The following PARG variants were observed in gnomAD, a reference collection of about 807,000 sequenced individuals.
The protein encoded by PARG is poly(ADP-ribose) glycohydrolase.
In PARG, 35 loss-of-function variants were observed where a neutral mutation model predicts 113.0. That is an observed-to-expected ratio of 0.31 (90% CI 0.24 to 0.41). PARG has a LOEUF of 0.41. PARG is among the 10% of genes least tolerant of loss of function. The pLI, the probability that PARG is intolerant of heterozygous loss-of-function variation, is 1.00. For synonymous variants in PARG, 330 were observed against 409.9 expected (o/e 0.81, Z 2.36); for missense variants, 797 against 1,169.4 (o/e 0.68, Z 4.64).
rs1320472949 is a variant in PARG at position 49,941,802 on chromosome 10, T to G, written c.-77A>C. Reference sequence around the variant, plus strand: ...TTCACTAACCCTGAGAGAGATGGACTGCGCCTCCTTCTCAGCGCCTGCCTG... The same window carrying G: ...TTCACTAACCCTGAGAGAGATGGACGGCGCCTCCTTCTCAGCGCCTGCCTG... On this transcript the variant is annotated 5_prime_UTR_variant, in exon 1 of 18. Transcript: ENST00000616448. The G allele has an allele frequency of 0.016, 24,825 of 1,535,044 alleles. 235 individuals are homozygous for G. The highest frequency in any genetic ancestry group is 0.019 in the Non-Finnish European group (21,295 of 1,145,144).
chr10:49,834,891 ATAGAAAT>A (rs1844842091), intron 15 of PARG, among the ~76,000 whole-genome samples: 1 of 152,234 alleles, frequency 6.6e-6, no homozygotes, highest in South Asian at 2.1e-4. Context: ...ATAAAATTAC[ATAGAAAT>A]TAGAATAACT....
At chr10:49,919,972 C>T (rs570758023) in intron 6 of PARG, among the ~76,000 whole-genome samples, 126 of 152,180 alleles carry the variant, frequency 8.3e-4, no homozygotes, top group Non-Finnish European at 1.4e-3. Flanking sequence ...AAGAATTTCT[C>T]AGCATACTAT....
chr10:49,868,492 T>C (rs1231045643), intron 10 of PARG, among the ~76,000 whole-genome samples: 2 of 152,176 alleles, frequency 1.3e-5, no homozygotes, highest in African/African-American at 4.8e-5. Context: ...ATTCTAAAAA[T>C]TTAACAATGT....
At chr10:49,922,056 A>G (rs1158252289) in intron 6 of PARG, among the ~76,000 whole-genome samples, 1 of 150,772 alleles carries the variant, frequency 6.6e-6, no homozygotes, top group African/African-American at 2.5e-5. Flanking sequence ...CAAAAAAAAG[A>G]AAGAGAAGCT....
At chr10:49,920,443 C>A (rs1294626594) in intron 6 of PARG, among the ~76,000 whole-genome samples, 1 of 64,282 alleles carries the variant, frequency 1.6e-5, no homozygotes, top group Non-Finnish European at 3.1e-5. Flanking sequence ...CAAGACCCAG[C>A]CTCAAATTAA....
At position 49,941,855 on chromosome 10, in the gene PARG, T is replaced by C; in HGVS notation, c.-130A>G. 6.7e-7 allele frequency: 1 copy of C among 1,495,000 alleles called. No homozygotes were observed. Among genetic ancestry groups the C allele is most frequent in the Non-Finnish European group, 9.0e-7 (1 of 1,109,734 alleles). 92.6% of individuals were successfully genotyped at this position (1,495,000 alleles called of 1,614,324 possible). ...CCATTCCCTCTCTGCCGCTGCCTGC[T>C]TCTGCAATTGCTGATCCGCCGGCCT... On this transcript the variant is annotated 5_prime_UTR_variant, in exon 1 of 18. Coordinates refer to ENST00000616448, the MANE Select transcript of PARG (RefSeq NM_003631.5).
chr10:49,858,903 T>C (rs1469665499), intron 12 of PARG, among the ~76,000 whole-genome samples: 3 of 152,158 alleles, frequency 2.0e-5, no homozygotes, highest in Admixed American at 6.6e-5. Context: ...TGGGAATCAC[T>C]GGATACAAAG....
At position 49,941,467 on chromosome 10, in the gene PARG, C is replaced by T. The variant is rs1839063715; in HGVS notation, c.217+42G>A. 9.2e-6 allele frequency: 13 copies of T among 1,417,168 alleles called. No individual in the cohort carries two copies. In the Admixed American group the frequency reaches 2.4e-4, roughly 26 times the overall value. The allele number at this position is 1,417,168 out of a possible 1,614,324, so 87.8% of individuals were successfully genotyped here. A position where few individuals can be genotyped will look rare whatever the true frequency, so the allele number is the denominator to read the frequency against. ...GTCCTCAGACTGAGACCAGAAGGTT[C>T]GGGCCGAGGCGAAGGACAAAGATTT... On this transcript the variant is annotated intron_variant, in intron 1 of 17. Coordinates refer to ENST00000616448, the MANE Select transcript of PARG (RefSeq NM_003631.5).
At chr10:49,916,131 T>C (rs1384625012) in intron 6 of PARG, 140 bp from the exon 7 acceptor site, 5 of 667,372 alleles carry the variant, frequency 7.5e-6, no homozygotes, top group Non-Finnish European at 1.4e-5. Context: ...GCTACTGATA[T>C]GGACATCAGT....
At chr10:49,868,691 T>C (rs1554837357) in intron 10 of PARG, among the ~76,000 whole-genome samples, 1 of 152,194 alleles carries the variant, frequency 6.6e-6, no homozygotes, top group Non-Finnish European at 1.5e-5. Flanking sequence ...AAGAAACTTT[T>C]GAGGTGTTCT....
In PARG at chr10:49,880,135, T is replaced by C. The variant is rs544404203; in HGVS notation, c.1831-305A>G. Among the ~76,000 whole-genome samples, 8 of 152,272 alleles carry C rather than the reference T, an allele frequency of 5.3e-5. No homozygotes were observed. The South Asian group carries it at 1.7e-3, about 32-fold the overall frequency. ...CAAGTAAATAAAAACACATTGCCCA[T>C]GTAATGAAAAATTAAAACAAAAGAT... On this transcript the variant is annotated intron_variant, in intron 8 of 17. Transcript: ENST00000616448.
intron 5 of PARG, 32 bp from the exon 6 acceptor site, chr10:49,922,451 C>T (rs782443716): frequency 1.2e-6 from 2 of 1,609,730 alleles, no homozygotes; most frequent in Admixed American, 3.4e-5. Flanking sequence ...TATGAGGAAG[C>T]TATTCTAAGT....
At chr10:49,826,763 T>A (rs1844378388) in intron 16 of PARG, among the ~76,000 whole-genome samples, 1 of 152,174 alleles carries the variant, frequency 6.6e-6, no homozygotes, top group Admixed American at 6.5e-5. Context: ...TCCCAATTGG[T>A]CAAATTAGAG....
chr10:49,931,834 GA>G (rs1310744446), intron 4 of PARG, among the ~76,000 whole-genome samples: 2 of 151,616 alleles, frequency 1.3e-5, no homozygotes, highest in Admixed American at 6.6e-5. Flanking sequence ...GAAAAAAAAA[GA>G]ATCCAATGAG....
At chr10:49,917,918 T>C (rs2664659) in intron 6 of PARG, among the ~76,000 whole-genome samples, 1 of 151,818 alleles carries the variant, frequency 6.6e-6, no homozygotes. Flanking sequence ...AAGTATTAAA[T>C]AGAAATGTGT....
At chr10:49,897,962 C>T (rs1411206641) in intron 7 of PARG, among the ~76,000 whole-genome samples, 2 of 151,944 alleles carry the variant, frequency 1.3e-5, no homozygotes, top group South Asian at 2.1e-4. Context: ...ACTGCACCTC[C>T]GGCCTGGGTG....
intron 15 of PARG, 43 bp downstream of exon 15, chr10:49,841,907 T>C: frequency 5.6e-6 from 7 of 1,246,978 alleles, no homozygotes; most frequent in South Asian, 2.6e-5. Flanking sequence ...TGGCAGTAAA[T>C]AGATGACAGC....
chr10:49,852,096 C>T (rs1196782344), intron 13 of PARG, among the ~76,000 whole-genome samples: 3 of 152,204 alleles, frequency 2.0e-5, no homozygotes, highest in African/African-American at 2.4e-5. Context: ...ATTGAAGGAA[C>T]GGAATTGATC....
intron 7 of PARG, among the ~76,000 whole-genome samples, chr10:49,891,769 A>T (rs1266240914): frequency 6.6e-6 from 1 of 150,726 alleles, no homozygotes; most frequent in Non-Finnish European, 1.5e-5. Context: ...AGATGAGACT[A>T]CAGGCACACA....
Sources: gnomAD v4.1 joint callset for allele counts (sites outside exome capture counted in the v4.1 genomes callset) on GRCh38, gnomAD v4.1.1 for gene constraint, MANE v1.5 for transcripts, NCBI Gene and HGNC (gene_info 2026-07-23, HGNC 2026-07-21) for gene names.